The following FNBP1 variants were observed in gnomAD, a reference collection of about 807,000 sequenced individuals.
The protein encoded by FNBP1 is formin-binding protein 1.
FNBP1 carries 26 observed loss-of-function variants against 90.6 expected under a neutral mutation model. The observed-to-expected ratio is 0.29, with a 90% CI of 0.21 to 0.40. The LOEUF (loss-of-function observed/expected upper bound fraction) is 0.40, where lower values mean the gene tolerates loss of function less well. Among genes scored for constraint, FNBP1 ranks in the 10% least tolerant of loss-of-function variants. FNBP1 has a pLI of 1.00. For missense variants in FNBP1, 635 were observed against 768.0 expected (o/e 0.83, Z 2.05); for synonymous variants, 260 against 265.2 (o/e 0.98, Z 0.19).
At chr9:129,915,363 G>A (rs1033064244) in intron 11 of FNBP1, among the ~76,000 whole-genome samples, 3 of 151,836 alleles carry the variant, frequency 2.0e-5, no homozygotes, top group South Asian at 4.2e-4. Flanking sequence ...TAATATTTAC[G>A]TTCATATATA....
chr9:129,958,270 A>T (rs2132824021), intron 5 of FNBP1, among the ~76,000 whole-genome samples: 1 of 152,160 alleles, frequency 6.6e-6, no homozygotes, highest in Non-Finnish European at 1.5e-5. Flanking sequence ...CATCTCTACC[A>T]AAAATACAAA....
intron 1 of FNBP1, among the ~76,000 whole-genome samples, chr9:130,034,980 C>A (rs2059177793): frequency 6.6e-6 from 1 of 152,112 alleles, no homozygotes. Flanking sequence ...GACCCCGTCT[C>A]TACAAAAAAA....
chr9:130,033,290 A>C (rs925027694), intron 1 of FNBP1, among the ~76,000 whole-genome samples: 1 of 152,150 alleles, frequency 6.6e-6, no homozygotes, highest in African/African-American at 2.4e-5. Context: ...GATACTAATA[A>C]ATATTAGATT....
chr9:129,938,071 G>A (rs2043750403), intron 6 of FNBP1, among the ~76,000 whole-genome samples: 2 of 152,104 alleles, frequency 1.3e-5, no homozygotes, highest in African/African-American at 2.4e-5. Flanking sequence ...GCTGAGGCAG[G>A]AGAATCACTT....
chr9:130,012,992 CAAT>C (rs1245807217), intron 1 of FNBP1, among the ~76,000 whole-genome samples: 1 of 151,526 alleles, frequency 6.6e-6, no homozygotes, highest in Admixed American at 6.6e-5. Flanking sequence ...TGAAAAAAGT[CAAT>C]AAAACTAAAA....
chr9:129,969,368 G>C, intron 4 of FNBP1, among the ~76,000 whole-genome samples: 1 of 152,176 alleles, frequency 6.6e-6, no homozygotes, highest in Non-Finnish European at 1.5e-5. Context: ...TGGGAATTTA[G>C]TTTGGGGAAG....
At position 129,898,532 on chromosome 9, in the gene FNBP1, C is replaced by G. The variant is rs369317157; in HGVS notation, c.1687+1433G>C. On this transcript the variant is annotated intron_variant, in intron 15 of 16. Transcript: ENST00000446176. ...TTTGAGAGGGAGTCTTGCTCTGTTGCCAGGCTGGAGTAAAGTGGCACGACC... is the reference window on the plus strand; with the variant it reads ...TTTGAGAGGGAGTCTTGCTCTGTTGGCAGGCTGGAGTAAAGTGGCACGACC... 9.2e-5 allele frequency among the ~76,000 whole-genome samples: 14 copies of G among 152,068 alleles called. 1 individual carries two copies. In the East Asian group the frequency reaches 2.7e-3, roughly 29 times the overall value.
At chr9:129,981,552 T>C (rs1319062481) in intron 2 of FNBP1, among the ~76,000 whole-genome samples, 2 of 152,162 alleles carry the variant, frequency 1.3e-5, no homozygotes, top group African/African-American at 4.8e-5. Context: ...TGATAATCAA[T>C]TTACAATTTT....
chr9:130,029,040 A>G (rs2058587786), intron 1 of FNBP1, among the ~76,000 whole-genome samples: 1 of 152,166 alleles, frequency 6.6e-6, no homozygotes, highest in Non-Finnish European at 1.5e-5. Flanking sequence ...TATCTGACAC[A>G]CTGTAAATAC....
intron 1 of FNBP1, among the ~76,000 whole-genome samples, chr9:130,003,891 T>A (rs889099949): frequency 7.6e-5 from 9 of 118,172 alleles, no homozygotes; most frequent in African/African-American, 2.9e-4. Flanking sequence ...ACCTCTGCAC[T>A]CCAGCCTGGG....
At chr9:129,945,376 C>CT (rs1169051056) in intron 6 of FNBP1, among the ~76,000 whole-genome samples, 1 of 152,092 alleles carries the variant, frequency 6.6e-6, no homozygotes, top group East Asian at 1.9e-4. Context: ...TAACCACTTC[C>CT]TTTTTAAAAA....
the FNBP1 span, among the ~76,000 whole-genome samples, chr9:130,048,307 T>C: frequency 2.8e-5 from 1 of 36,362 alleles, no homozygotes; most frequent in African/African-American, 1.1e-4. Flanking sequence ...AGAGCAAGAC[T>C]CCATCTCAAA....
intron 12 of FNBP1, among the ~76,000 whole-genome samples, chr9:129,905,889 T>TG (rs1156841274): frequency 4.0e-5 from 6 of 151,196 alleles, no homozygotes; most frequent in South Asian, 2.1e-4. Flanking sequence ...CTTTTTTTTT[T>TG]TGTTTTTTTT....
At chr9:129,892,141 A>C (rs899580312) in intron 16 of FNBP1, among the ~76,000 whole-genome samples, 3 of 152,186 alleles carry the variant, frequency 2.0e-5, no homozygotes, top group Non-Finnish European at 4.4e-5. Context: ...AGAACCCATA[A>C]AACAAACAGA....
At chr9:129,990,023 C>T (rs2052875918) in intron 2 of FNBP1, among the ~76,000 whole-genome samples, 1 of 150,842 alleles carries the variant, frequency 6.6e-6, no homozygotes, top group Admixed American at 6.6e-5. Context: ...GAGACCCTGT[C>T]TCAAGAAAGA....
At chr9:129,907,044 C>G (rs532685248) in intron 12 of FNBP1, among the ~76,000 whole-genome samples, 1 of 151,440 alleles carries the variant, frequency 6.6e-6, no homozygotes, top group Non-Finnish European at 1.5e-5. Context: ...TCCCAAAGTG[C>G]TGGGATTACA....
chr9:130,024,310 G>A (rs1379623908), intron 1 of FNBP1, among the ~76,000 whole-genome samples: 9 of 152,056 alleles, frequency 5.9e-5, no homozygotes, highest in African/African-American at 9.7e-5. Context: ...AATTAGCTGG[G>A]CGTGGTAGTG....
At chr9:129,939,323 A>T (rs1259110614) in intron 6 of FNBP1, among the ~76,000 whole-genome samples, 2 of 148,792 alleles carry the variant, frequency 1.3e-5, no homozygotes, top group African/African-American at 4.9e-5. Context: ...CACGAGGCAG[A>T]GGCTGCAGTG....
chr9:129,899,793 AGGAAGGAAGGGGAAGG>A (rs2036541073), intron 15 of FNBP1, among the ~76,000 whole-genome samples, 156 bp downstream of exon 15: 1 of 126,996 alleles, frequency 7.9e-6, no homozygotes, highest in Non-Finnish European at 1.7e-5. Context: ...AGGGAAGGGA[AGGAAGGAAGGGGAAGG>A]GGAAGGGGAA....
Sources: gnomAD v4.1 joint callset for allele counts (sites outside exome capture counted in the v4.1 genomes callset) on GRCh38, gnomAD v4.1.1 for gene constraint, MANE v1.5 for transcripts, NCBI Gene and HGNC (gene_info 2026-07-23, HGNC 2026-07-21) for gene names.